PLCXD3: variants seen among roughly 807,000 people sequenced by gnomAD.
PLCXD3 encodes the protein phosphatidylinositol specific phospholipase C X domain containing 3, also known as PI-PLC X domain-containing protein 3.
In PLCXD3, 19 loss-of-function variants were observed where a neutral mutation model predicts 25.5. The observed-to-expected ratio is 0.75, with a 90% CI of 0.52 to 1.09. The LOEUF is 1.09. PLCXD3 is among the 50% of genes least tolerant of loss of function. PLCXD3 has a pLI of 0.00. For missense variants in PLCXD3, 411 were observed against 388.1 expected, an observed-to-expected ratio of 1.06 and a Z score of -0.50; for synonymous variants, 174 against 137.6, an observed-to-expected ratio of 1.26 and a Z score of -1.85.
At chr5:41,401,545 C>T (rs546223402) in intron 1 of PLCXD3, among the ~76,000 whole-genome samples, 141 of 152,030 alleles carry the variant, frequency 9.3e-4, no homozygotes, top group African/African-American at 3.1e-3. Flanking sequence ...ATTAGTTTCC[C>T]GATTTCTCTA....
chr5:41,397,374 G>C (rs964074213), intron 1 of PLCXD3, among the ~76,000 whole-genome samples: 18 of 152,180 alleles, frequency 1.2e-4, no homozygotes, highest in African/African-American at 2.7e-4. Flanking sequence ...CCCAAGCCTT[G>C]GTGGCTTCCA....
intron 1 of PLCXD3, among the ~76,000 whole-genome samples, chr5:41,476,674 T>G (rs180883721): frequency 2.5e-4 from 38 of 152,304 alleles, no homozygotes; most frequent in African/African-American, 8.7e-4. Flanking sequence ...TTGTATTCTT[T>G]CACTGTAGTT....
intron 1 of PLCXD3, among the ~76,000 whole-genome samples, chr5:41,496,979 T>C (rs1378216428): frequency 1.3e-5 from 2 of 151,766 alleles, no homozygotes; most frequent in African/African-American, 2.4e-5. Flanking sequence ...TTGTATGTGA[T>C]TTAAGTTATT....
In PLCXD3 at chr5:41,313,605, C is replaced by T. The variant is rs910578436; in HGVS notation, c.*12G>A. The T allele has an allele frequency of 1.6e-5, 26 of 1,613,508 alleles. No individual in the cohort carries two copies. The highest frequency in any genetic ancestry group is 2.2e-5 in the Non-Finnish European group (26 of 1,179,600). On this transcript the variant is annotated 3_prime_UTR_variant, in exon 3 of 3. Coordinates refer to ENST00000377801, the MANE Select transcript of PLCXD3 (RefSeq NM_001005473.3). ...TTCTCCATCTTATTCATGGAAACTC[C>T]AAGTAGTGCTATCAAGTGTTGGCTT...
rs1331960708 is a variant in PLCXD3 at position 41,491,007 on chromosome 5, G to C, written c.103+19417C>G. Among the ~76,000 whole-genome samples, 15 of 152,122 alleles carry C rather than the reference G, an allele frequency of 9.9e-5. No homozygotes were observed. The East Asian group carries it at 2.7e-3, about 27-fold the overall frequency. On this transcript the variant is annotated intron_variant, in intron 1 of 2. Transcript: ENST00000377801. ...GAATGTGTTTGCTCTTGCTTTTCTA[G>C]TTCTTTTAATTGTGATGTTAGGTTG...
At chr5:41,331,775 C>G (rs1315515328) in intron 2 of PLCXD3, among the ~76,000 whole-genome samples, 1 of 152,080 alleles carries the variant, frequency 6.6e-6, no homozygotes, top group Non-Finnish European at 1.5e-5. Context: ...ACAGAGTCCT[C>G]AGAAATAATG....
chr5:41,362,731 A>G (rs972055624), intron 2 of PLCXD3, among the ~76,000 whole-genome samples: 2 of 152,150 alleles, frequency 1.3e-5, no homozygotes, highest in African/African-American at 4.8e-5. Flanking sequence ...ACTGCTTGCT[A>G]TTTTACTGGG....
intron 2 of PLCXD3, among the ~76,000 whole-genome samples, chr5:41,379,825 T>TA (rs1303148582): frequency 6.6e-6 from 1 of 152,030 alleles, no homozygotes; most frequent in African/African-American, 2.4e-5. Flanking sequence ...AATTAAGCCA[T>TA]AAAATGATAT....
intron 1 of PLCXD3, among the ~76,000 whole-genome samples, chr5:41,492,882 C>T (rs1183017628): frequency 3.3e-5 from 5 of 152,226 alleles, no homozygotes; most frequent in East Asian, 1.9e-4. Flanking sequence ...TGAATTTCCT[C>T]CTGTAGCTCA....
At chr5:41,406,948 G>A (rs1746369840) in intron 1 of PLCXD3, among the ~76,000 whole-genome samples, 2 of 150,330 alleles carry the variant, frequency 1.3e-5, no homozygotes, top group Non-Finnish European at 1.5e-5. Flanking sequence ...TCGCCTAAAG[G>A]AACTATTTGC....
intron 2 of PLCXD3, among the ~76,000 whole-genome samples, chr5:41,314,454 T>C (rs929408017): frequency 2.0e-5 from 3 of 152,148 alleles, no homozygotes; most frequent in Non-Finnish European, 4.4e-5. Flanking sequence ...CATAAAAATA[T>C]GTAGTTTGAT....
intron 2 of PLCXD3, among the ~76,000 whole-genome samples, chr5:41,319,986 C>T (rs1580296459): frequency 1.3e-5 from 2 of 151,954 alleles, no homozygotes; most frequent in African/African-American, 4.8e-5. Flanking sequence ...AACTACATGC[C>T]AATAAATAGG....
intron 1 of PLCXD3, among the ~76,000 whole-genome samples, chr5:41,416,478 C>G (rs1746697527): frequency 6.6e-6 from 1 of 152,190 alleles, no homozygotes; most frequent in Admixed American, 6.5e-5. Context: ...CTCCTACTTT[C>G]AGAATTGGAA....
At chr5:41,498,199 T>C (rs1412354767) in intron 1 of PLCXD3, among the ~76,000 whole-genome samples, 4 of 150,782 alleles carry the variant, frequency 2.7e-5, no homozygotes, top group Non-Finnish European at 5.9e-5. Flanking sequence ...AGAGCAGAAA[T>C]AAATAAAATA....
intron 1 of PLCXD3, among the ~76,000 whole-genome samples, chr5:41,493,341 A>G (rs1164656248): frequency 6.6e-6 from 1 of 152,096 alleles, no homozygotes; most frequent in Non-Finnish European, 1.5e-5. Context: ...GTCTGCCCCT[A>G]CTGGGGGGTG....
chr5:41,474,963 C>T (rs1748248465), intron 1 of PLCXD3, among the ~76,000 whole-genome samples: 2 of 152,186 alleles, frequency 1.3e-5, no homozygotes, highest in Admixed American at 1.3e-4. Flanking sequence ...TTTGCATTCT[C>T]AAAAGCTAGA....
intron 1 of PLCXD3, among the ~76,000 whole-genome samples, chr5:41,478,461 TATA>T (rs35112426): frequency 0.3 from 45,923 of 152,018 alleles, 8,677 homozygotes; most frequent in Non-Finnish European, 0.41. Flanking sequence ...CCATCACTCC[TATA>T]ATATTAATTA....
chr5:41,330,933 A>G (rs1268829505), intron 2 of PLCXD3, among the ~76,000 whole-genome samples: 5 of 152,218 alleles, frequency 3.3e-5, no homozygotes, highest in Non-Finnish European at 5.9e-5. Context: ...TTAGGTATTG[A>G]TGGGATGTAT....
rs549891751 is a variant in PLCXD3 at position 41,364,714 on chromosome 5, A to G, written c.812+17112T>C. ...CAAAATTGAGAAGGAAAAGAGAAAA[A>G]GCAGTGCAAAGGCCAACCACACTTG... is the stretch of plus-strand genomic sequence containing the variant. On this transcript the variant is annotated intron_variant, in intron 2 of 2. Coordinates refer to ENST00000377801, the MANE Select transcript of PLCXD3 (RefSeq NM_001005473.3). Among the ~76,000 whole-genome samples the G allele has an allele frequency of 2.6e-5, 4 of 152,288 alleles. No individual in the cohort carries two copies. In the South Asian group the frequency reaches 6.2e-4, roughly 24 times the overall value.
Sources: gnomAD v4.1 joint callset for allele counts (sites outside exome capture counted in the v4.1 genomes callset) on GRCh38, gnomAD v4.1.1 for gene constraint, MANE v1.5 for transcripts, NCBI Gene and HGNC (gene_info 2026-07-23, HGNC 2026-07-21) for gene names.